BRIP1: variants seen among roughly 807,000 people sequenced by gnomAD.
BRIP1 encodes the protein Fanconi anemia group J protein.
Under a neutral mutation model 119.7 loss-of-function variants are expected in BRIP1, and 88 were observed. That is an observed-to-expected ratio of 0.74 (90% CI 0.62 to 0.88). BRIP1 has a LOEUF of 0.88. Ranked by LOEUF, BRIP1 falls within the 40% of genes least tolerant of loss-of-function variation. BRIP1 has a pLI of 0.00. For synonymous variants in BRIP1, 443 were observed against 496.5 expected (o/e 0.89, Z 1.43); for missense variants, 1,259 against 1,455.4 (o/e 0.87, Z 2.20).
In BRIP1 at chr17:61,846,966, G is replaced by A. The variant is rs551594258; in HGVS notation, c.627+135C>T. ...CATCTCACACATTAGTAACAGAGAT[G>A]TGACAGCATTGAGGACTTCTGAGTG... On this transcript the variant is annotated intron_variant, in intron 6 of 19. Coordinates refer to ENST00000259008, the MANE Select transcript of BRIP1 (RefSeq NM_032043.3). The surrounding 1 kb of genome is among the most constrained non-coding windows in gnomAD (Gnocchi z 4.3). 4.2e-6 allele frequency: 4 copies of A among 958,478 alleles called. No homozygotes were observed. The South Asian group carries it at 4.4e-5, about 10-fold the overall frequency. The allele number at this position is 958,478 out of a possible 1,614,324, so 59.4% of individuals were successfully genotyped here. A position where few individuals can be genotyped will look rare whatever the true frequency, so the allele number is the denominator to read the frequency against.
chr17:61,681,566 G>A lies in BRIP1; in HGVS notation c.*1730C>T, dbSNP rs1359614809. ...CCTACTATCCCTATCTGTGGTTTAA[G>A]AATAATACCAGAGGAGATAAATTGT... On this transcript the variant is annotated 3_prime_UTR_variant, in exon 20 of 20. Transcript: ENST00000259008. This position sits in a 1 kb window ranked among gnomAD's most constrained non-coding sequence, Gnocchi z 5.1. 3 of 204,446 alleles carry A rather than the reference G, an allele frequency of 1.5e-5. No homozygotes were observed. The East Asian group carries it at 2.3e-4, about 15-fold the overall frequency. 12.7% of individuals were successfully genotyped at this position (204,446 alleles called of 1,614,324 possible).
chr17:61,842,711 T>C lies in BRIP1; in HGVS notation c.627+4390A>G, dbSNP rs2078674701. Among the ~76,000 whole-genome samples, 2 of 152,192 alleles carry C rather than the reference T, an allele frequency of 1.3e-5. No individual in the cohort carries two copies. Among genetic ancestry groups the C allele is most frequent in the African/African-American group, 4.8e-5 (2 of 41,460 alleles). On this transcript the variant is annotated intron_variant, in intron 6 of 19. Transcript: ENST00000259008. The surrounding 1 kb of genome is among the most constrained non-coding windows in gnomAD (Gnocchi z 5.1). ...ACAAATATGTATCCATCTGCTGCTG[T>C]TACTACTACTACAGCTGCTGCTACT...
rs2144086756 is a variant in BRIP1 at position 61,683,904 on chromosome 17, G to A, written c.3142C>T (p.Pro1048Ser). Residue 1048 changes from proline (P) to serine (S), a missense_variant, in exon 20 of 20, where the codon CCC becomes TCC. This residue lies in a region of BRIP1 where 753 missense variants were observed against 891.8 expected (regional missense o/e 0.84). Coordinates refer to ENST00000259008, the MANE Select transcript of BRIP1 (RefSeq NM_032043.3). The surrounding 1 kb of genome is among the most constrained non-coding windows in gnomAD (Gnocchi z 4.7). ...GAGGATTCACATTTATCAGTGAAGG[G>A]CAAAACAGTTTTACTTTCCATCTTC... The part of the protein sequence containing the change: ...TEKMESKTVL[P>S]FTDKCESSNL... 1 of 1,614,194 alleles carries A rather than the reference G, an allele frequency of 6.2e-7. No homozygotes were observed. Among genetic ancestry groups the A allele is most frequent in the Non-Finnish European group, 8.5e-7 (1 of 1,180,024 alleles).
At position 61,860,417 on chromosome 17, in the gene BRIP1, T is replaced by G. The variant is rs974452615; in HGVS notation, c.94-510A>C. On this transcript the variant is annotated intron_variant, in intron 2 of 19. Transcript: ENST00000259008. This position sits in a 1 kb window ranked among gnomAD's most constrained non-coding sequence, Gnocchi z 4.1. ...AGCCACGCTTGTAATCCCATCACTT[T>G]GGGAGGCCAAGGCAGGTGGATCATT... Among the ~76,000 whole-genome samples the G allele has an allele frequency of 4.6e-5, 7 of 152,048 alleles. No homozygotes were observed. Among genetic ancestry groups the G allele is most frequent in the Non-Finnish European group, 7.4e-5 (5 of 68,014 alleles).
At chr17:61,783,105 A>G (rs1277370850) in intron 11 of BRIP1, among the ~76,000 whole-genome samples, 3 of 152,238 alleles carry the variant, frequency 2.0e-5, no homozygotes, top group African/African-American at 7.2e-5. Flanking sequence ...CAACGTTCAT[A>G]GTAGCATTGT....
rs2061382194 is a variant in BRIP1, at chr17:61,687,719, T to A, written c.2576-1554A>T. On this transcript the variant is annotated intron_variant, in intron 18 of 19. Coordinates refer to ENST00000259008, the MANE Select transcript of BRIP1 (RefSeq NM_032043.3). The surrounding 1 kb of genome is among the most constrained non-coding windows in gnomAD (Gnocchi z 5.1). ...ACTCTGAAAACTGTTTACTGTTGGA[T>A]GAAACCATCGAGTGAGAAAAAAATG... Among the ~76,000 whole-genome samples the A allele has an allele frequency of 6.6e-6, 1 of 152,200 alleles. No individual in the cohort carries two copies. Among genetic ancestry groups the A allele is most frequent in the South Asian group, 2.1e-4 (1 of 4,826 alleles).
At chr17:61,812,183 C>G (rs2078172706) in intron 6 of BRIP1, among the ~76,000 whole-genome samples, 1 of 152,030 alleles carries the variant, frequency 6.6e-6, no homozygotes, top group Admixed American at 6.6e-5. Context: ...TACTTTATGG[C>G]CTCTCTCTGA....
chr17:61,728,794 G>A (rs1256872825), intron 16 of BRIP1, among the ~76,000 whole-genome samples: 2 of 152,130 alleles, frequency 1.3e-5, no homozygotes, highest in East Asian at 1.9e-4. Context: ...AGCCCTGACC[G>A]AAGTAGAAGA....
At position 61,680,952 on chromosome 17, in the gene BRIP1, TCA is replaced by T. The variant is rs2061262077; in HGVS notation, c.*2342_*2343del. ...TATAAAGGAAAGAGGTTTAATTGAC[TCA>T]CAGTTCTGCATGACTGAGGAGGCCT... On this transcript the variant is annotated 3_prime_UTR_variant, in exon 20 of 20. Coordinates refer to ENST00000259008, the MANE Select transcript of BRIP1 (RefSeq NM_032043.3). Among the ~76,000 whole-genome samples, 3 of 152,150 alleles carry T rather than the reference TCA, an allele frequency of 2.0e-5. No individual in the cohort carries two copies. The highest frequency in any genetic ancestry group is 2.0e-4 in the Admixed American group (3 of 15,274).
At chr17:61,817,402 T>C (rs1171442543) in intron 6 of BRIP1, among the ~76,000 whole-genome samples, 1 of 152,222 alleles carries the variant, frequency 6.6e-6, no homozygotes, top group Non-Finnish European at 1.5e-5. Context: ...TCAAACTTTC[T>C]TCAATGAACC....
At chr17:61,702,960 C>T (rs544163793) in intron 17 of BRIP1, among the ~76,000 whole-genome samples, 24 of 146,064 alleles carry the variant, frequency 1.6e-4, no homozygotes, top group African/African-American at 5.1e-4. Flanking sequence ...TGTAACCTTG[C>T]GAGCATCTGT....
At chr17:61,698,255 G>T (rs1417359378) in intron 17 of BRIP1, among the ~76,000 whole-genome samples, 1 of 152,112 alleles carries the variant, frequency 6.6e-6, no homozygotes, top group African/African-American at 2.4e-5. Flanking sequence ...TTGTTTAAAA[G>T]TATATCATTG....
chr17:61,787,790 G>T (rs943567845), intron 10 of BRIP1, among the ~76,000 whole-genome samples: 13 of 151,994 alleles, frequency 8.6e-5, no homozygotes, highest in African/African-American at 3.1e-4. Flanking sequence ...GACTACAGGC[G>T]CCCGCCACCA....
At chr17:61,685,489 ATGC>A in intron 19 of BRIP1, 1 of 329,370 alleles carries the variant, frequency 3.0e-6, no homozygotes, top group East Asian at 5.6e-5. Flanking sequence ...GTACTTTACA[ATGC>A]TGTGATATTT....
At chr17:61,721,141 C>T (rs374249346) in intron 16 of BRIP1, among the ~76,000 whole-genome samples, 7 of 151,700 alleles carry the variant, frequency 4.6e-5, no homozygotes, top group African/African-American at 1.7e-4. Context: ...TGTGCCCAGC[C>T]ACTATTAACC....
In BRIP1 at chr17:61,681,466, TAGCA is replaced by T. The variant is rs1171258438; in HGVS notation, c.*1826_*1829del. The T allele has an allele frequency of 9.5e-6, 2 of 209,478 alleles. No individual in the cohort carries two copies. The highest frequency in any genetic ancestry group is 1.9e-5 in the Non-Finnish European group (2 of 102,986). The allele number at this position is 209,478 out of a possible 1,614,324, so 13.0% of individuals were successfully genotyped here. A position where few individuals can be genotyped will look rare whatever the true frequency, so the allele number is the denominator to read the frequency against. On this transcript the variant is annotated 3_prime_UTR_variant, in exon 20 of 20. Transcript: ENST00000259008. This position sits in a 1 kb window ranked among gnomAD's most constrained non-coding sequence, Gnocchi z 5.1. ...GGGTGTGGTGATTGCCAATATGACT[TAGCA>T]AATCAGTGGCAGAGCCAGGTGTAGA...
intron 4 of BRIP1, among the ~76,000 whole-genome samples, chr17:61,854,499 G>A (rs2145806280): frequency 6.6e-6 from 1 of 152,046 alleles, no homozygotes; most frequent in Non-Finnish European, 1.5e-5. Flanking sequence ...TTGACGTCAG[G>A]AGCTACAGAG....
Position 61,684,231 on chromosome 17 carries a change from A to G in BRIP1, c.2906-91T>C. The G allele has an allele frequency of 7.1e-7, 1 of 1,406,098 alleles. No individual in the cohort carries two copies. Among genetic ancestry groups the G allele is most frequent in the East Asian group, 2.4e-5 (1 of 41,294 alleles). The allele number at this position is 1,406,098 out of a possible 1,614,324, so 87.1% of individuals were successfully genotyped here. A position where few individuals can be genotyped will look rare whatever the true frequency, so the allele number is the denominator to read the frequency against. On this transcript the variant is annotated intron_variant, in intron 19 of 19. Coordinates refer to ENST00000259008, the MANE Select transcript of BRIP1 (RefSeq NM_032043.3). This position sits in a 1 kb window ranked among gnomAD's most constrained non-coding sequence, Gnocchi z 4.5. ...ATAATTATTTATTAGAAATACCTAAATAACTGTATAGGATACATAACTTAG... is the reference window on the plus strand; with the variant it reads ...ATAATTATTTATTAGAAATACCTAAGTAACTGTATAGGATACATAACTTAG...
chr17:61,782,550 A>G (rs2077640456), intron 11 of BRIP1, among the ~76,000 whole-genome samples: 2 of 152,190 alleles, frequency 1.3e-5, no homozygotes, highest in Admixed American at 1.3e-4. Flanking sequence ...ATCAAAGGAC[A>G]CTATGAATAA....
Sources: allele counts gnomAD v4.1 joint callset (sites outside exome capture counted in the v4.1 genomes callset), GRCh38; gene constraint gnomAD v4.1.1; regional missense constraint gnomAD v4.1.1; non-coding constraint Gnocchi (gnomAD v3.1); transcripts MANE v1.5; gene names NCBI Gene and HGNC (gene_info 2026-07-23, HGNC 2026-07-21).